The following NME7 variants were observed in gnomAD, a reference collection of about 807,000 sequenced individuals.
The protein encoded by NME7 is nucleoside diphosphate kinase 7.
In NME7, 41 loss-of-function variants were observed where a neutral mutation model predicts 49.1. That is an observed-to-expected ratio of 0.83 (90% confidence interval 0.65 to 1.08). The LOEUF is 1.08. Ranked by LOEUF, NME7 falls within the 50% of genes least tolerant of loss-of-function variation. NME7 has a pLI of 0.00. For missense variants in NME7, 423 were observed against 463.4 expected, an observed-to-expected ratio of 0.91 and a Z score of 0.80; for synonymous variants, 139 against 150.6, an observed-to-expected ratio of 0.92 and a Z score of 0.56.
chr1:169,322,782 G>A (rs143986377), intron 3 of NME7, among the ~76,000 whole-genome samples: 1 of 151,908 alleles, frequency 6.6e-6, no homozygotes, highest in Non-Finnish European at 1.5e-5. Flanking sequence ...ATCATCATTT[G>A]AAAACAGGGA....
intron 9 of NME7, among the ~76,000 whole-genome samples, chr1:169,231,443 T>C (rs1647614583): frequency 6.6e-6 from 1 of 152,070 alleles, no homozygotes; most frequent in Admixed American, 6.5e-5. Context: ...GTTCTCTGAG[T>C]TGAAAAGACA....
chr1:169,304,640 C>G (rs900098408), intron 4 of NME7, among the ~76,000 whole-genome samples: 25 of 152,008 alleles, frequency 1.6e-4, no homozygotes, highest in African/African-American at 5.8e-4. Flanking sequence ...TTCCTTACAA[C>G]AATATATTGA....
chr1:169,259,657 C>T (rs1333097819), intron 7 of NME7, among the ~76,000 whole-genome samples: 1 of 134,004 alleles, frequency 7.5e-6, no homozygotes, highest in Non-Finnish European at 1.8e-5. Flanking sequence ...ATCACATTAA[C>T]AGATTAAATA....
intron 7 of NME7, among the ~76,000 whole-genome samples, chr1:169,273,256 G>A (rs1329826289): frequency 7.8e-6 from 1 of 128,474 alleles, no homozygotes; most frequent in East Asian, 2.0e-4. Context: ...TCCCCTCCCT[G>A]TGTCCATGTG....
chr1:169,358,213 G>A (rs1653529913), intron 1 of NME7, among the ~76,000 whole-genome samples: 1 of 151,340 alleles, frequency 6.6e-6, no homozygotes, highest in Non-Finnish European at 1.5e-5. Flanking sequence ...GCAGCAATCT[G>A]GTTAATATGA....
intron 1 of NME7, among the ~76,000 whole-genome samples, chr1:169,340,326 T>C (rs1046840016): frequency 6.6e-6 from 1 of 152,190 alleles, no homozygotes; most frequent in Non-Finnish European, 1.5e-5. Flanking sequence ...GTGAGGAAGA[T>C]GCCTGCTTCC....
At chr1:169,311,139 C>G (rs1341077587) in intron 3 of NME7, among the ~76,000 whole-genome samples, 1 of 152,030 alleles carries the variant, frequency 6.6e-6, no homozygotes, top group African/African-American at 2.4e-5. Context: ...AATATCCTGG[C>G]CGGGCGCGGT....
chr1:169,247,952 G>C (rs1020195284), intron 7 of NME7, among the ~76,000 whole-genome samples: 6 of 152,140 alleles, frequency 3.9e-5, no homozygotes, highest in African/African-American at 1.4e-4. Context: ...ACATATGCGT[G>C]CAAGTGTCTT....
At chr1:169,143,880 C>A (rs746945069) in intron 11 of NME7, among the ~76,000 whole-genome samples, 1 of 152,112 alleles carries the variant, frequency 6.6e-6, no homozygotes, top group Admixed American at 6.6e-5. Context: ...ATATTCTCAA[C>A]AATTTTTTTT....
intron 11 of NME7, among the ~76,000 whole-genome samples, chr1:169,162,054 A>G (rs1659263829): frequency 6.6e-6 from 1 of 152,124 alleles, no homozygotes; most frequent in Admixed American, 6.5e-5. Flanking sequence ...CCAGAGGTAG[A>G]CTCAGCACAA....
At chr1:169,215,169 CCT>C (rs1333864110) in intron 10 of NME7, among the ~76,000 whole-genome samples, 1 of 151,876 alleles carries the variant, frequency 6.6e-6, no homozygotes, top group Non-Finnish European at 1.5e-5. Context: ...AGTCAGGTTG[CCT>C]CTCTCCCTCT....
intron 10 of NME7, among the ~76,000 whole-genome samples, chr1:169,182,814 C>A (rs974545451): frequency 6.6e-6 from 1 of 152,108 alleles, no homozygotes; most frequent in East Asian, 1.9e-4. Context: ...AATTTATATA[C>A]CCCATTAACT....
chr1:169,210,537 GTCCTT>G (rs1660781691), intron 10 of NME7, among the ~76,000 whole-genome samples: 1 of 152,066 alleles, frequency 6.6e-6, no homozygotes, highest in African/African-American at 2.4e-5. Flanking sequence ...TGTTTAGATA[GTCCTT>G]CTGTGGTAGT....
chr1:169,191,107 C>T (rs528119939), intron 10 of NME7, among the ~76,000 whole-genome samples: 1 of 61,176 alleles, frequency 1.6e-5, no homozygotes, highest in Non-Finnish European at 4.1e-5. Context: ...CCACCGCGCC[C>T]GGCCGCAAGT....
chr1:169,315,947 G>C (rs2101927766), intron 3 of NME7, among the ~76,000 whole-genome samples: 1 of 152,036 alleles, frequency 6.6e-6, no homozygotes, highest in African/African-American at 2.4e-5. Flanking sequence ...CAGAAAAGGG[G>C]AATAAAGAAA....
intron 4 of NME7, among the ~76,000 whole-genome samples, chr1:169,307,840 C>T (rs758832547): frequency 4.6e-5 from 7 of 151,836 alleles, no homozygotes; most frequent in Non-Finnish European, 7.4e-5. Context: ...GCCAACATGG[C>T]GAAACTCCGT....
intron 10 of NME7, 99 bp from the exon 11 acceptor site, chr1:169,169,653 T>C: frequency 9.4e-7 from 1 of 1,064,004 alleles, no homozygotes. Context: ...ATGAAATACA[T>C]GTTATATATA....
In NME7 at chr1:169,195,454, C is replaced by T. The variant is rs1229019034; in HGVS notation, c.991-25900G>A. On this transcript the variant is annotated intron_variant, in intron 10 of 11. Coordinates refer to ENST00000367811, the MANE Select transcript of NME7 (RefSeq NM_013330.5). ...TTTTGAATTCCTGGCCTCAAGTGAT[C>T]CTCCCATCTCAGCCTTCCAAAGTAC... Among the ~76,000 whole-genome samples the T allele has an allele frequency of 2.2e-4, 34 of 152,110 alleles. 1 individual carries two copies. Among genetic ancestry groups the T allele is most frequent in the Admixed American group, 2.2e-3 (34 of 15,264 alleles).
intron 11 of NME7, among the ~76,000 whole-genome samples, chr1:169,145,386 G>A (rs375972963): frequency 1.6e-4 from 24 of 152,210 alleles, no homozygotes; most frequent in East Asian, 1.2e-3. Flanking sequence ...CCAACGAGAC[G>A]GCTAATTCAC....
Sources: gnomAD v4.1 joint callset for allele counts (sites outside exome capture counted in the v4.1 genomes callset) on GRCh38, gnomAD v4.1.1 for gene constraint, MANE v1.5 for transcripts, NCBI Gene and HGNC (gene_info 2026-07-23, HGNC 2026-07-21) for gene names.